The following DNM3 variants were observed in gnomAD, a reference collection of about 807,000 sequenced individuals.
The protein encoded by DNM3 is dynamin 3.
DNM3 carries 47 observed loss-of-function variants against 101.6 expected under a neutral mutation model. The observed-to-expected ratio is 0.46, with a 90% CI of 0.37 to 0.59. The LOEUF is 0.59. Ranked by LOEUF, DNM3 falls within the 20% of genes least tolerant of loss-of-function variation. DNM3 has a pLI of 0.00. For missense variants in DNM3, 849 were observed against 1,085.7 expected (o/e 0.78, Z 3.06); for synonymous variants, 385 against 387.9 (o/e 0.99, Z 0.09).
At chr1:171,945,892 G>A (rs1444027269) in intron 2 of DNM3, among the ~76,000 whole-genome samples, 1 of 152,092 alleles carries the variant, frequency 6.6e-6, no homozygotes, top group Non-Finnish European at 1.5e-5. Context: ...CTAAACAGGA[G>A]GATTTGGTAA....
rs60442437 is a variant in DNM3, at chr1:172,270,086, A to G, written c.1769+16404A>G. Among the ~76,000 whole-genome samples the G allele has an allele frequency of 8.8e-3, 1,340 of 152,266 alleles. 30 individuals carry two copies. Among genetic ancestry groups the G allele is most frequent in the African/African-American group, 0.031 (1,270 of 41,546 alleles). ...AAACTTACGTCAAATAGTAGAATAA[A>G]CATAAAAAGTCCAAAGAGGATTATT... On this transcript the variant is annotated intron_variant, in intron 15 of 20. Coordinates refer to ENST00000627582, the MANE Select transcript of DNM3 (RefSeq NM_015569.5).
intron 15 of DNM3, among the ~76,000 whole-genome samples, chr1:172,306,147 C>T (rs2064799867): frequency 6.6e-6 from 1 of 152,112 alleles, no homozygotes; most frequent in South Asian, 2.1e-4. Context: ...CATCTCAGCC[C>T]AAAATCTCCT....
intron 16 of DNM3, among the ~76,000 whole-genome samples, chr1:172,317,107 T>C (rs1358757646): frequency 2.0e-5 from 3 of 151,348 alleles, no homozygotes; most frequent in Non-Finnish European, 4.4e-5. Context: ...CTCAACTACA[T>C]GGAAACTGAA....
chr1:171,921,764 G>T lies in DNM3; in HGVS notation c.178G>T (p.Gly60Trp). Residue 60 changes from glycine to tryptophan, a missense_variant, in exon 2 of 21, where the codon GGG becomes TGG. Gly to Trp is a radical substitution (Grantham distance 184, BLOSUM62 -2). Coordinates refer to ENST00000627582, the MANE Select transcript of DNM3 (RefSeq NM_015569.5). ...TTTTTTTAGGGACTTTCTCCCTCGAGGGTCGGGCATTGTAACAAGACGACC... is the reference window on the plus strand; with the variant it reads ...TTTTTTTAGGGACTTTCTCCCTCGATGGTCGGGCATTGTAACAAGACGACC... ...NFVGRDFLPR[G>W]SGIVTRRPLV... 2 of 1,596,444 alleles carry T rather than the reference G, an allele frequency of 1.3e-6. No homozygotes were observed. The highest frequency in any genetic ancestry group is 1.7e-5 in the Admixed American group (1 of 57,580).
In DNM3 at chr1:171,963,224, T is replaced by G. The variant is rs530300302; in HGVS notation, c.236-24432T>G. On this transcript the variant is annotated intron_variant, in intron 2 of 20. Coordinates refer to ENST00000627582, the MANE Select transcript of DNM3 (RefSeq NM_015569.5). ...TTGAGTGCTAAAAAGAAATGAGCCT[T>G]GAAGAGACATGGAGAAAACTTAATG... 7.9e-5 allele frequency among the ~76,000 whole-genome samples: 12 copies of G among 152,268 alleles called. No homozygotes were observed. In the South Asian group the frequency reaches 2.5e-3, roughly 32 times the overall value.
At chr1:172,173,490 C>CT (rs111367945) in intron 14 of DNM3, among the ~76,000 whole-genome samples, 4,541 of 141,944 alleles carry the variant, frequency 0.032, 89 homozygotes, top group Non-Finnish European at 0.044. Flanking sequence ...CAAAAGAGAG[C>CT]TTTTTTTTTT....
Position 171,921,673 on chromosome 1 carries a change from G to C in DNM3, c.162-75G>C. The C allele has an allele frequency of 5.0e-6, 6 of 1,208,734 alleles. No homozygotes were observed. In the South Asian group the frequency reaches 7.8e-5, roughly 16 times the overall value. 74.9% of individuals were successfully genotyped at this position (1,208,734 alleles called of 1,614,324 possible). A position where few individuals can be genotyped will look rare whatever the true frequency, so the allele number is the denominator to read the frequency against. Reference sequence around the variant, plus strand: ...AAGGTTGGGAATTAGGAGAATTGCTGTGGAACTTGGTTTATGAATGTACAG... The same window carrying C: ...AAGGTTGGGAATTAGGAGAATTGCTCTGGAACTTGGTTTATGAATGTACAG... On this transcript the variant is annotated intron_variant, in intron 1 of 20. Transcript: ENST00000627582.
At chr1:172,046,233 T>G (rs564306041) in intron 9 of DNM3, among the ~76,000 whole-genome samples, 2,041 of 152,152 alleles carry the variant, frequency 0.013, 46 homozygotes, top group African/African-American at 0.047. Context: ...CCATAAAAAA[T>G]GATGAGTTCA....
chr1:171,891,201 C>T (rs889128898), intron 1 of DNM3, among the ~76,000 whole-genome samples: 29 of 152,154 alleles, frequency 1.9e-4, no homozygotes, highest in African/African-American at 3.9e-4. Flanking sequence ...ATGCAAATTA[C>T]GGCATTAGAG....
In DNM3 at chr1:172,174,124, A is replaced by G. The variant is rs1425389956; in HGVS notation, c.1659+42836A>G. ...TTGATTTCATTGACTAGAAATATAA[A>G]TTATGTTATTCTTTATAAAATATAC... is the stretch of plus-strand genomic sequence containing the variant. On this transcript the variant is annotated intron_variant, in intron 14 of 20. Transcript: ENST00000627582. Among the ~76,000 whole-genome samples the G allele has an allele frequency of 2.0e-5, 3 of 151,728 alleles. No homozygotes were observed. The East Asian group carries it at 5.8e-4, about 29-fold the overall frequency.
chr1:172,031,328 C>T (rs1382683889), intron 4 of DNM3, among the ~76,000 whole-genome samples: 1 of 152,140 alleles, frequency 6.6e-6, no homozygotes, highest in Admixed American at 6.5e-5. Flanking sequence ...CATGTTCTCA[C>T]TCATAAGTGG....
intron 14 of DNM3, chr1:172,133,242 GC>G: frequency 8.2e-6 from 9 of 1,095,220 alleles, no homozygotes; most frequent in Non-Finnish European, 8.9e-6. Flanking sequence ...GAAGGAAGAA[GC>G]TTTGAAGGCT....
At chr1:172,316,184 A>C (rs1292970612) in intron 16 of DNM3, among the ~76,000 whole-genome samples, 1 of 152,154 alleles carries the variant, frequency 6.6e-6, no homozygotes, top group Non-Finnish European at 1.5e-5. Context: ...AGACAAGCAA[A>C]TGCTGAGAGA....
intron 14 of DNM3, among the ~76,000 whole-genome samples, chr1:172,142,430 T>C (rs1022262536): frequency 2.0e-5 from 3 of 152,104 alleles, no homozygotes; most frequent in African/African-American, 7.2e-5. Flanking sequence ...ATAAGTACTA[T>C]TCGTTTTCAT....
downstream of DNM3, among the ~76,000 whole-genome samples, chr1:172,415,855 G>C (rs1352094821): frequency 6.6e-6 from 1 of 151,982 alleles, no homozygotes; most frequent in Non-Finnish European, 1.5e-5. Context: ...TAACAGAAAA[G>C]AAAAAAGCTA....
chr1:172,175,002 A>G (rs557451444), intron 14 of DNM3, among the ~76,000 whole-genome samples: 1 of 151,826 alleles, frequency 6.6e-6, no homozygotes, highest in African/African-American at 2.4e-5. Context: ...ATCTTATTTC[A>G]TATGGAGTAA....
At chr1:171,869,508 G>A (rs760240748) in intron 1 of DNM3, among the ~76,000 whole-genome samples, 3 of 152,138 alleles carry the variant, frequency 2.0e-5, no homozygotes, top group African/African-American at 4.8e-5. Context: ...TGTTTTACCC[G>A]AGAAATCCTC....
intron 1 of DNM3, among the ~76,000 whole-genome samples, chr1:171,890,499 A>T (rs1237407914): frequency 6.6e-6 from 1 of 152,232 alleles, no homozygotes; most frequent in African/African-American, 2.4e-5. Flanking sequence ...CATATTTCAA[A>T]GTTCTAACTA....
rs1242107757 is a variant in DNM3 at position 172,141,325 on chromosome 1, G to A, written c.1659+10037G>A. 7.9e-5 allele frequency among the ~76,000 whole-genome samples: 12 copies of A among 152,166 alleles called. No homozygotes were observed. In the East Asian group the frequency reaches 1.5e-3, roughly 20 times the overall value. ...TAAGAAAGTTTCTATCTTAACTCAG[G>A]AATTTCCTGTCTCAGGTTAAAGCCT... On this transcript the variant is annotated intron_variant, in intron 14 of 20. Coordinates refer to ENST00000627582, the MANE Select transcript of DNM3 (RefSeq NM_015569.5).
Sources: gnomAD v4.1 joint callset for allele counts (sites outside exome capture counted in the v4.1 genomes callset) on GRCh38, gnomAD v4.1.1 for gene constraint, MANE v1.5 for transcripts, NCBI Gene and HGNC (gene_info 2026-07-23, HGNC 2026-07-21) for gene names.